STK32B: variants seen among roughly 807,000 people sequenced by gnomAD.
STK32B encodes serine/threonine kinase 32B.
A neutral mutation model predicts 52.6 loss-of-function variants in STK32B; 43 were observed. The observed-to-expected ratio is 0.82, with a 90% CI of 0.64 to 1.05. The LOEUF is 1.05. Among genes scored for constraint, STK32B ranks in the 50% least tolerant of loss-of-function variants. The pLI, the probability that STK32B is intolerant of heterozygous loss-of-function variation, is 0.00. For missense variants in STK32B, 621 were observed against 534.6 expected (o/e 1.16, Z -1.59); for synonymous variants, 238 against 204.3 (o/e 1.17, Z -1.41).
chr4:5,420,056 A>C (rs1712495393), intron 6 of STK32B, among the ~76,000 whole-genome samples: 1 of 152,210 alleles, frequency 6.6e-6, no homozygotes, highest in Non-Finnish European at 1.5e-5. Flanking sequence ...CTCGAACATG[A>C]AATAGACACA....
At chr4:5,491,394 T>G (rs1020923861) in intron 11 of STK32B, among the ~76,000 whole-genome samples, 3 of 152,238 alleles carry the variant, frequency 2.0e-5, no homozygotes, top group African/African-American at 7.2e-5. Context: ...AAGTGTCTGT[T>G]CATGTCCTTC....
At chr4:5,290,592 T>A (rs1728837830) in intron 3 of STK32B, among the ~76,000 whole-genome samples, 1 of 151,474 alleles carries the variant, frequency 6.6e-6, no homozygotes, top group Non-Finnish European at 1.5e-5. Context: ...GTGACTGCAT[T>A]TTTTTAATTA....
intron 1 of STK32B, among the ~76,000 whole-genome samples, chr4:5,076,817 A>G (rs1465201142): frequency 3.3e-5 from 5 of 152,226 alleles, no homozygotes; most frequent in East Asian, 1.9e-4. Context: ...TACTGATATC[A>G]TAGGATCCTT....
At chr4:5,389,842 T>G (rs1179665296) in intron 4 of STK32B, among the ~76,000 whole-genome samples, 1 of 152,206 alleles carries the variant, frequency 6.6e-6, no homozygotes, top group African/African-American at 2.4e-5. Context: ...GGGAAGAGTC[T>G]CCTGGATTAT....
intron 3 of STK32B, among the ~76,000 whole-genome samples, chr4:5,280,835 G>A (rs1158545096): frequency 6.6e-6 from 1 of 152,066 alleles, no homozygotes; most frequent in African/African-American, 2.4e-5. Flanking sequence ...GAAGGCAGAG[G>A]TTGCAGTGAG....
At chr4:5,329,993 C>G (rs1442860898) in intron 3 of STK32B, among the ~76,000 whole-genome samples, 2 of 152,162 alleles carry the variant, frequency 1.3e-5, no homozygotes, top group Admixed American at 6.5e-5. Flanking sequence ...ACCCAGGATA[C>G]TGGAACATAG....
At position 5,201,827 on chromosome 4, in the gene STK32B, T is replaced by C. The variant is rs189568812; in HGVS notation, c.260+33377T>C. Among the ~76,000 whole-genome samples, 507 of 152,258 alleles carry C rather than the reference T, an allele frequency of 3.3e-3. 7 individuals carry two copies. The highest frequency in any genetic ancestry group is 0.011 in the African/African-American group (466 of 41,548). ...AGAATGGGGTAAACTGGTCCCATGA[T>C]CAGATCACCTCCTCCCACCAGGTCC... On this transcript the variant is annotated intron_variant, in intron 3 of 11. Coordinates refer to ENST00000282908, the MANE Select transcript of STK32B (RefSeq NM_018401.3).
chr4:5,347,922 T>A (rs1228075195), intron 4 of STK32B, among the ~76,000 whole-genome samples: 2 of 152,116 alleles, frequency 1.3e-5, no homozygotes. Context: ...CTTAAAAAAA[T>A]AAATTACCCA....
At chr4:5,092,924 C>G (rs368858486) in intron 1 of STK32B, among the ~76,000 whole-genome samples, 1 of 151,944 alleles carries the variant, frequency 6.6e-6, no homozygotes. Context: ...AATTATATCT[C>G]AATAAAAATA....
intron 11 of STK32B, among the ~76,000 whole-genome samples, chr4:5,496,602 G>A (rs898432461): frequency 6.6e-5 from 10 of 151,246 alleles, no homozygotes; most frequent in East Asian, 1.9e-4. Context: ...AGATGAACCC[G>A]GTACCTCAGA....
intron 11 of STK32B, among the ~76,000 whole-genome samples, chr4:5,487,313 T>C (rs1719307255): frequency 6.6e-6 from 1 of 152,192 alleles, no homozygotes; most frequent in African/African-American, 2.4e-5. Flanking sequence ...TGAGCAGTCA[T>C]CTGGAAGTGT....
chr4:5,141,508 G>T (rs954912350), intron 2 of STK32B, among the ~76,000 whole-genome samples: 2 of 152,164 alleles, frequency 1.3e-5, no homozygotes, highest in Non-Finnish European at 2.9e-5. Context: ...TTCACAGAGT[G>T]GGAAGAGAAG....
At chr4:5,287,754 A>G (rs1328484857) in intron 3 of STK32B, among the ~76,000 whole-genome samples, 1 of 152,134 alleles carries the variant, frequency 6.6e-6, no homozygotes, top group Non-Finnish European at 1.5e-5. Context: ...GGAGGAGGTA[A>G]AAGTTTTATT....
At chr4:5,196,377 C>A (rs1176920219) in intron 3 of STK32B, among the ~76,000 whole-genome samples, 1 of 139,510 alleles carries the variant, frequency 7.2e-6, no homozygotes, top group African/African-American at 2.7e-5. Flanking sequence ...GGGGGCCCAC[C>A]TCATAGTTTT....
intron 4 of STK32B, among the ~76,000 whole-genome samples, chr4:5,335,970 T>C (rs1560330782): frequency 6.6e-6 from 1 of 151,600 alleles, no homozygotes; most frequent in Non-Finnish European, 1.5e-5. Flanking sequence ...CGCAGACCTC[T>C]TTCCCAACTC....
rs138066837 is a variant in STK32B, at chr4:5,075,830, A to T, written c.52+23915A>T. Among the ~76,000 whole-genome samples, 573 of 152,246 alleles carry T rather than the reference A, an allele frequency of 3.8e-3. 3 individuals are homozygous for T. Among genetic ancestry groups the T allele is most frequent in the African/African-American group, 0.013 (553 of 41,548 alleles). On this transcript the variant is annotated intron_variant, in intron 1 of 11. Transcript: ENST00000282908. The stretch of plus-strand genomic sequence containing the variant: ...ATATAAATATTCTCCTGTTCTTTCA[A>T]TAAATATGTATTACTTTGTCTCTAC...
chr4:5,082,365 G>C (rs1397524551), intron 1 of STK32B, among the ~76,000 whole-genome samples: 1 of 152,192 alleles, frequency 6.6e-6, no homozygotes, highest in Non-Finnish European at 1.5e-5. Context: ...TCAGGGCAGG[G>C]AGAGAGGGAT....
the STK32B span, among the ~76,000 whole-genome samples, chr4:5,032,680 A>G: frequency 6.6e-6 from 1 of 152,128 alleles, no homozygotes; most frequent in Non-Finnish European, 1.5e-5. Context: ...GACAATTTTT[A>G]CAATTTGGTG....
In STK32B at chr4:5,314,009, T is replaced by C. The variant is rs183352964; in HGVS notation, c.261-17211T>C. On this transcript the variant is annotated intron_variant, in intron 3 of 11. Coordinates refer to ENST00000282908, the MANE Select transcript of STK32B (RefSeq NM_018401.3). Reference sequence around the variant, plus strand: ...GTAAAGATAACAGTTGTCCTCTAAGTGATTTAATGCAATTGCTATGAAAGT... The same window carrying C: ...GTAAAGATAACAGTTGTCCTCTAAGCGATTTAATGCAATTGCTATGAAAGT... 1.7e-3 allele frequency among the ~76,000 whole-genome samples: 261 copies of C among 152,278 alleles called. 2 individuals carry two copies. Among genetic ancestry groups the C allele is most frequent in the South Asian group, 0.015 (72 of 4,824 alleles).
Sources: gnomAD v4.1 joint callset for allele counts (sites outside exome capture counted in the v4.1 genomes callset) on GRCh38, gnomAD v4.1.1 for gene constraint, MANE v1.5 for transcripts, NCBI Gene and HGNC (gene_info 2026-07-23, HGNC 2026-07-21) for gene names.